The following CHD9 variants were observed in gnomAD, a reference collection of about 807,000 sequenced individuals.
CHD9 encodes the protein ATP-dependent chromatin remodeler CHD9.
CHD9 carries 77 observed loss-of-function variants against 316.1 expected under a neutral mutation model. The ratio of observed to expected loss-of-function variants is 0.24; its 90% CI spans 0.20 to 0.29. The LOEUF is 0.29. CHD9 is among the 10% of genes least tolerant of loss of function. The pLI, the probability that CHD9 is intolerant of heterozygous loss-of-function variation, is 1.00. For missense variants in CHD9, 2,763 were observed against 3,438.1 expected (o/e 0.80, Z 4.91); for synonymous variants, 1,129 against 1,158.3 (o/e 0.97, Z 0.51).
At chr16:53,179,094 A>C (rs762659641) in intron 2 of CHD9, among the ~76,000 whole-genome samples, 4 of 152,138 alleles carry the variant, frequency 2.6e-5, no homozygotes, top group Non-Finnish European at 5.9e-5. Flanking sequence ...AATAGTTAAG[A>C]TTTTGCCGTA....
At chr16:53,258,029 T>C (rs1469641161) in intron 19 of CHD9, among the ~76,000 whole-genome samples, 1 of 152,182 alleles carries the variant, frequency 6.6e-6, no homozygotes, top group Non-Finnish European at 1.5e-5. Flanking sequence ...GTTGTTGTTT[T>C]GTTTTGTTTT....
At chr16:53,291,602 ATTAT>A (rs2054340668) in intron 27 of CHD9, 119 bp from the exon 28 acceptor site, 2 of 609,370 alleles carry the variant, frequency 3.3e-6, no homozygotes, top group South Asian at 2.4e-5. Context: ...TGCTAAATTA[ATTAT>A]TTAACATTCC....
intron 22 of CHD9, 51 bp downstream of exon 22, chr16:53,268,177 T>A: frequency 8.1e-7 from 1 of 1,228,726 alleles, no homozygotes; most frequent in Non-Finnish European, 1.1e-6. Flanking sequence ...GTTATATAAG[T>A]AATACTTAAC....
At chr16:53,199,958 T>A (rs567554161) in intron 2 of CHD9, among the ~76,000 whole-genome samples, 1 of 152,214 alleles carries the variant, frequency 6.6e-6, no homozygotes, top group East Asian at 1.9e-4. Flanking sequence ...TAATATCGGC[T>A]GGCACGGTGG....
intron 10 of CHD9, 135 bp from the exon 11 acceptor site, chr16:53,235,049 TA>T (rs1403945071): frequency 1.2e-5 from 7 of 565,922 alleles, no homozygotes; most frequent in Non-Finnish European, 1.7e-5. Flanking sequence ...ATTTGACCTT[TA>T]AATGTTAGGT....
chr16:53,066,313 C>T (rs1159514232), intron 1 of CHD9, among the ~76,000 whole-genome samples: 5 of 152,164 alleles, frequency 3.3e-5, no homozygotes, highest in Non-Finnish European at 7.3e-5. Flanking sequence ...GAAATTTAGG[C>T]ACTAAACCCA....
At chr16:53,072,399 CTTTT>C (rs35582199) in intron 1 of CHD9, among the ~76,000 whole-genome samples, 12 of 93,652 alleles carry the variant, frequency 1.3e-4, no homozygotes, top group Admixed American at 3.3e-4. Flanking sequence ...ATCACCATAA[CTTTT>C]TTTTTTTTTT....
chr16:53,146,414 T>TATATATATATATATATATATATATAC (rs2040591311), intron 1 of CHD9, among the ~76,000 whole-genome samples: 1 of 77,084 alleles, frequency 1.3e-5, no homozygotes, highest in Non-Finnish European at 2.4e-5. Context: ...TGTGTGTGTG[T>TATATATATATATATATATATATATAC]GTATGTATAT....
chr16:53,089,413 T>C (rs976651793), intron 1 of CHD9, among the ~76,000 whole-genome samples: 1 of 152,266 alleles, frequency 6.6e-6, no homozygotes, highest in Admixed American at 6.5e-5. Flanking sequence ...AATAATTCCC[T>C]TCTCCTATCT....
intron 1 of CHD9, among the ~76,000 whole-genome samples, chr16:53,120,822 T>A (rs1308394650): frequency 6.6e-6 from 1 of 151,642 alleles, no homozygotes; most frequent in Non-Finnish European, 1.5e-5. Context: ...CTGGCCAACA[T>A]GGTAAAATTC....
intron 1 of CHD9, among the ~76,000 whole-genome samples, chr16:53,118,002 T>C (rs1361692358): frequency 6.6e-6 from 1 of 151,970 alleles, no homozygotes; most frequent in African/African-American, 2.4e-5. Flanking sequence ...ATTTTTTTTG[T>C]ATTTTTAGTA....
At chr16:53,166,978 G>A (rs1482891101) in intron 2 of CHD9, among the ~76,000 whole-genome samples, 1 of 151,682 alleles carries the variant, frequency 6.6e-6, no homozygotes, top group Non-Finnish European at 1.5e-5. Context: ...GAATAAACAG[G>A]GTTAGAAAGA....
intron 1 of CHD9, among the ~76,000 whole-genome samples, chr16:53,122,873 ATT>A (rs35194227): frequency 5.7e-4 from 79 of 139,078 alleles, no homozygotes; most frequent in African/African-American, 7.9e-4. Context: ...CGCCCGGCTA[ATT>A]TTTTTTTTTT....
Position 53,229,167 on chromosome 16 carries a change from A to T in CHD9, c.2286+67A>T, listed in dbSNP as rs900451719. On this transcript the variant is annotated intron_variant, in intron 8 of 38. Transcript: ENST00000447540. ...AATACATGTAGCATTATTTATCAAA[A>T]ATTACACATTATTTTAATTCTTAGA... is the stretch of plus-strand genomic sequence containing the variant. The T allele has an allele frequency of 1.1e-4, 76 of 718,940 alleles. No homozygotes were observed. In the African/African-American group the frequency reaches 1.3e-3, roughly 12 times the overall value. 44.5% of individuals were successfully genotyped at this position (718,940 alleles called of 1,614,324 possible).
At chr16:53,289,409 G>A (rs534654028) in intron 27 of CHD9, among the ~76,000 whole-genome samples, 2 of 151,808 alleles carry the variant, frequency 1.3e-5, no homozygotes, top group South Asian at 4.2e-4. Context: ...GAGAGAGAAA[G>A]AAAAATGTGG....
At chr16:53,137,725 G>C (rs1202163753) in intron 1 of CHD9, among the ~76,000 whole-genome samples, 2 of 151,928 alleles carry the variant, frequency 1.3e-5, no homozygotes, top group Admixed American at 6.6e-5. Context: ...AACATTTTTG[G>C]TTCAAAAATG....
At chr16:53,144,468 C>G (rs2040398996) in intron 1 of CHD9, among the ~76,000 whole-genome samples, 1 of 151,746 alleles carries the variant, frequency 6.6e-6, no homozygotes, top group Non-Finnish European at 1.5e-5. Context: ...CTCTTGGAAC[C>G]TTTTGTCCTA....
chr16:53,308,664 A>T, intron 33 of CHD9, 22 bp from the exon 34 acceptor site: 1 of 1,584,490 alleles, frequency 6.3e-7, no homozygotes, highest in Non-Finnish European at 8.6e-7. Flanking sequence ...TTTCTGTCTT[A>T]ATAATGGTAT....
At chr16:53,281,196 A>G (rs1417368749) in intron 24 of CHD9, among the ~76,000 whole-genome samples, 1 of 152,186 alleles carries the variant, frequency 6.6e-6, no homozygotes, top group African/African-American at 2.4e-5. Flanking sequence ...CCATTAGTCA[A>G]CTGCCTCCCA....
Sources: allele counts gnomAD v4.1 joint callset (sites outside exome capture counted in the v4.1 genomes callset), GRCh38; gene constraint gnomAD v4.1.1; transcripts MANE v1.5; gene names NCBI Gene and HGNC (gene_info 2026-07-23, HGNC 2026-07-21).